The following CNTRL variants were observed in gnomAD, a reference collection of about 807,000 sequenced individuals.
The protein encoded by CNTRL is centriolin.
In CNTRL, 233 loss-of-function variants were observed where a neutral mutation model predicts 303.7. The observed-to-expected ratio is 0.77, with a 90% CI of 0.69 to 0.86. The LOEUF (loss-of-function observed/expected upper bound fraction) is 0.86. Ranked by LOEUF, CNTRL falls within the 40% of genes least tolerant of loss-of-function variation. The pLI, the probability that CNTRL is intolerant of heterozygous loss-of-function variation, is 0.00. For missense variants in CNTRL, 2,524 were observed against 2,650.6 expected, an observed-to-expected ratio of 0.95 and a Z score of 1.05; for synonymous variants, 900 against 922.2, an observed-to-expected ratio of 0.98 and a Z score of 0.44.
chr9:121,173,826 A>AC, intron 42 of CNTRL, 89 bp downstream of exon 42: 1 of 1,229,986 alleles, frequency 8.1e-7, no homozygotes, highest in South Asian at 1.2e-5. Context: ...TGATGCTTTC[A>AC]CATCCATGCT....
chr9:121,148,643 A>G lies in CNTRL; in HGVS notation c.3460-29A>G, dbSNP rs749439473. 1.9e-6 allele frequency: 3 copies of G among 1,589,342 alleles called. No homozygotes were observed. In the East Asian group the frequency reaches 6.8e-5, roughly 36 times the overall value. On this transcript the variant is annotated intron_variant, in intron 23 of 43. Transcript: ENST00000373855. ...AAATCAGCCTTTCCATTTATAATAG[A>G]TAGTGTGCTCTGCTGTCATTTGTTT... is the stretch of plus-strand genomic sequence containing the variant.
intron 14 of CNTRL, among the ~76,000 whole-genome samples, chr9:121,132,566 A>G (rs1588201317): frequency 6.6e-6 from 1 of 152,090 alleles, no homozygotes; most frequent in Non-Finnish European, 1.5e-5. Context: ...CTTCCTTTCA[A>G]TGGGTTCAAA....
chr9:121,146,800 G>T (rs1241082320), intron 23 of CNTRL, among the ~76,000 whole-genome samples: 6 of 152,226 alleles, frequency 3.9e-5, no homozygotes, highest in Non-Finnish European at 7.3e-5. Flanking sequence ...CTGATGGGAA[G>T]TTCAGGAAGG....
At chr9:121,173,859 C>A in intron 42 of CNTRL, 122 bp downstream of exon 42, 1 of 913,604 alleles carries the variant, frequency 1.1e-6, no homozygotes, top group Non-Finnish European at 1.8e-6. Flanking sequence ...CCAGCAGTGT[C>A]AGGGATGGCA....
intron 27 of CNTRL, among the ~76,000 whole-genome samples, chr9:121,156,803 CA>C (rs1350793959): frequency 6.6e-6 from 1 of 152,138 alleles, no homozygotes; most frequent in Non-Finnish European, 1.5e-5. Context: ...AGATTTTAAA[CA>C]TTTGCAAAGT....
Position 121,157,577 on chromosome 9 carries a change from C to T in CNTRL, c.4473C>T (p.Leu1491=), listed in dbSNP as rs763938874. ...GAGCTCAGGAAACTGCTGTTAACCT[C>T]GTCAAAGCTGATCAGCAGCTAAGGT... is the stretch of plus-strand genomic sequence containing the variant. ...ERRAQETAVN[L]VKADQQLRSL... Residue 1491 remains leucine (L), a synonymous_variant, in exon 28 of 44, where the codon CTC becomes CTT. Transcript: ENST00000373855. The T allele has an allele frequency of 1.7e-5, 28 of 1,614,048 alleles. No homozygotes were observed. Among genetic ancestry groups the T allele is most frequent in the Middle Eastern group, 1.6e-4 (1 of 6,062 alleles).
At position 121,124,000 on chromosome 9, in the gene CNTRL, C is replaced by T; in HGVS notation, c.1720C>T (p.Leu574Phe). Residue 574 changes from leucine to phenylalanine, a missense_variant, in exon 13 of 44, where the codon CTT becomes TTT. Transcript: ENST00000373855. ...LDIMNKQYQQ[L>F]ESRLDEILSR... is the part of the protein sequence containing the mutation. ...CATTATGAACAAGCAGTACCAACAA[C>T]TTGAAAGTCGTTTGGATGAGATACT... 6.2e-7 allele frequency: 1 copy of T among 1,612,896 alleles called. No individual in the cohort carries two copies. The highest frequency in any genetic ancestry group is 8.5e-7 in the Non-Finnish European group (1 of 1,179,476).
At chr9:121,102,475 T>G (rs1475595114) in intron 7 of CNTRL, among the ~76,000 whole-genome samples, 2 of 152,214 alleles carry the variant, frequency 1.3e-5, no homozygotes, top group Non-Finnish European at 2.9e-5. Flanking sequence ...GCATTCCCTT[T>G]GAAAACTGGC....
chr9:121,158,110 G>A lies in CNTRL; in HGVS notation c.4764+1G>A. ...CGAGCTGGAAAAGCTGAAAAGCCAG[G>A]TATGGCAATAGACACCTTGAAAAAA... On this transcript the variant is annotated splice_donor_variant, in intron 30 of 43. Transcript: ENST00000373855. LOFTEE classifies it high-confidence loss of function. 1 of 1,613,916 alleles carries A rather than the reference G, an allele frequency of 6.2e-7. No individual in the cohort carries two copies. Among genetic ancestry groups the A allele is most frequent in the East Asian group, 2.2e-5 (1 of 44,868 alleles).
intron 15 of CNTRL, among the ~76,000 whole-genome samples, chr9:121,136,753 G>A (rs765374216): frequency 2.6e-5 from 4 of 152,200 alleles, no homozygotes; most frequent in Non-Finnish European, 2.9e-5. Context: ...TGAGGGCCAG[G>A]TACTGTGGAT....
chr9:121,118,703 A>C, intron 12 of CNTRL, 163 bp downstream of exon 12: 1 of 473,390 alleles, frequency 2.1e-6, no homozygotes. Context: ...TGGGTTCTGC[A>C]TCTGTGGATT....
chr9:121,156,761 AC>A (rs869064992), intron 27 of CNTRL, among the ~76,000 whole-genome samples: 3 of 151,994 alleles, frequency 2.0e-5, no homozygotes, highest in Non-Finnish European at 2.9e-5. Flanking sequence ...GTTGATTAAA[AC>A]AAATGTGTTT....
At chr9:121,106,301 T>C (rs934797670) in intron 7 of CNTRL, among the ~76,000 whole-genome samples, 3 of 131,302 alleles carry the variant, frequency 2.3e-5, no homozygotes, top group African/African-American at 8.9e-5. Context: ...GTCATCCCAC[T>C]CCACTTCAGC....
rs749589538 is a variant in CNTRL, at chr9:121,152,645, G to A, written c.4124G>A (p.Cys1375Tyr). 3 of 1,614,008 alleles carry A rather than the reference G, an allele frequency of 1.9e-6. No individual in the cohort carries two copies. Among genetic ancestry groups the A allele is most frequent in the South Asian group, 1.1e-5 (1 of 91,078 alleles). ...DLLQEKKSLE[C>Y]EVEELHRTVQ... ...TTGCAAGAGAAGAAAAGCTTAGAGTGTGAAGTAGAAGAATTACATAGAACT... is the reference window on the plus strand; with the variant it reads ...TTGCAAGAGAAGAAAAGCTTAGAGTATGAAGTAGAAGAATTACATAGAACT... The change falls in exon 26 of 44, where the codon TGT becomes TAT. Residue 1375 changes from cysteine (C) to tyrosine (Y), a missense_variant. By Grantham distance (194) the Cys-to-Tyr change is radical. Transcript: ENST00000373855.
intron 8 of CNTRL, 62 bp from the exon 9 acceptor site, chr9:121,112,397 A>G: frequency 6.6e-7 from 1 of 1,518,124 alleles, no homozygotes; most frequent in Non-Finnish European, 9.1e-7. Context: ...TTACCATATC[A>G]TCACACCTTT....
intron 14 of CNTRL, among the ~76,000 whole-genome samples, chr9:121,128,902 C>A (rs1241585540): frequency 6.6e-6 from 1 of 151,722 alleles, no homozygotes; most frequent in Non-Finnish European, 1.5e-5. Flanking sequence ...TGATCCTTTC[C>A]CCATTTCTTG....
intron 14 of CNTRL, among the ~76,000 whole-genome samples, chr9:121,126,459 T>G (rs916364745): frequency 1.3e-5 from 2 of 152,210 alleles, no homozygotes; most frequent in Admixed American, 6.5e-5. Flanking sequence ...GAACTAGAGA[T>G]TTCCAAACTT....
At chr9:121,146,494 T>C (rs1161676988) in intron 23 of CNTRL, among the ~76,000 whole-genome samples, 1 of 152,164 alleles carries the variant, frequency 6.6e-6, no homozygotes, top group Non-Finnish European at 1.5e-5. Context: ...GTGGATGCTC[T>C]AAGGAGAAAA....
At chr9:121,134,980 C>A (rs2051102371) in intron 14 of CNTRL, among the ~76,000 whole-genome samples, 1 of 152,154 alleles carries the variant, frequency 6.6e-6, no homozygotes, top group South Asian at 2.1e-4. Context: ...ATATTTTAAA[C>A]AAGCAGCCCA....
Sources: allele counts gnomAD v4.1 joint callset (sites outside exome capture counted in the v4.1 genomes callset), GRCh38; gene constraint gnomAD v4.1.1; transcripts MANE v1.5; gene names NCBI Gene and HGNC (gene_info 2026-07-23, HGNC 2026-07-21).